Variants in CFAP54 observed in about 807,000 individuals in gnomAD.
CFAP54 encodes the protein cilia- and flagella-associated protein 54.
In CFAP54, 290 loss-of-function variants were observed where a neutral mutation model predicts 370.4. That is an observed-to-expected ratio of 0.78 (90% CI 0.71 to 0.86). CFAP54 has a LOEUF of 0.86. Among genes scored for constraint, CFAP54 ranks in the 40% least tolerant of loss-of-function variants. The probability of loss-of-function intolerance (pLI) is 0.00; values close to 1 mark genes in which losing one functional copy is unlikely to be tolerated. For synonymous variants in CFAP54, 1,206 were observed against 1,236.5 expected, an observed-to-expected ratio of 0.98 and a Z score of 0.52; for missense variants, 3,399 against 3,528.7, an observed-to-expected ratio of 0.96 and a Z score of 0.93.
chr12:96,542,006 C>T (rs1955579966), intron 14 of CFAP54, among the ~76,000 whole-genome samples: 2 of 151,920 alleles, frequency 1.3e-5, no homozygotes, highest in South Asian at 2.1e-4. Context: ...GTTCTTTGTT[C>T]TGCCTCTGGT....
At chr12:96,814,435 A>G (rs542048938) in intron 64 of CFAP54, among the ~76,000 whole-genome samples, 3 of 152,230 alleles carry the variant, frequency 2.0e-5, no homozygotes, top group Non-Finnish European at 4.4e-5. Flanking sequence ...TTTCATGGCT[A>G]GAGTTTGAAG....
In CFAP54 at chr12:96,718,906, C is replaced by T. The variant is rs143441339; in HGVS notation, c.6804+384C>T. 2.2e-4 allele frequency among the ~76,000 whole-genome samples: 33 copies of T among 152,116 alleles called. No homozygotes were observed. In the East Asian group the frequency reaches 3.9e-3, roughly 18 times the overall value. ...ATACAAAATTAGCTGGGTGTGATGG[C>T]GCATGCCTGTAATTCTAGCTACTCA... On this transcript the variant is annotated intron_variant, in intron 49 of 67. Transcript: ENST00000524981.
At chr12:96,607,253 C>T (rs1321259101) in intron 26 of CFAP54, among the ~76,000 whole-genome samples, 1 of 151,710 alleles carries the variant, frequency 6.6e-6, no homozygotes, top group African/African-American at 2.4e-5. Flanking sequence ...CTCCATACTC[C>T]AAGGGAAGAA....
intron 20 of CFAP54, among the ~76,000 whole-genome samples, chr12:96,580,332 A>G (rs1480272774): frequency 2.0e-5 from 3 of 152,092 alleles, no homozygotes; most frequent in Non-Finnish European, 4.4e-5. Context: ...ATATCTGTAA[A>G]TTTCCTAACA....
chr12:96,544,410 ATCTCTCTCTC>A (rs71068815), intron 14 of CFAP54, among the ~76,000 whole-genome samples: 33 of 148,116 alleles, frequency 2.2e-4, no homozygotes, highest in African/African-American at 5.0e-4. Context: ...AAAACAGAAT[ATCTCTCTCTC>A]TCTCTCTCTC....
chr12:96,855,939 A>G (rs755422389), intron 66 of CFAP54, among the ~76,000 whole-genome samples: 22 of 152,166 alleles, frequency 1.4e-4, no homozygotes, highest in Non-Finnish European at 2.1e-4. Context: ...TGTCTGCAAC[A>G]TACTTCTGCC....
chr12:96,829,372 C>T (rs1023619427), intron 66 of CFAP54, among the ~76,000 whole-genome samples: 1 of 152,026 alleles, frequency 6.6e-6, no homozygotes, highest in Non-Finnish European at 1.5e-5. Flanking sequence ...TAGAGTATAT[C>T]TAGAATTTTC....
intron 67 of CFAP54, among the ~76,000 whole-genome samples, chr12:96,874,647 T>TTTTTTTTTTG (rs71078432): frequency 9.5e-6 from 1 of 105,054 alleles, no homozygotes; most frequent in African/African-American, 3.7e-5. Flanking sequence ...TTTTTTTTTT[T>TTTTTTTTTTG]GAGACGGAGT....
rs944563693 is a variant in CFAP54 at position 96,727,785 on chromosome 12, A to G, written c.6965+7220A>G. On this transcript the variant is annotated intron_variant, in intron 50 of 67. Coordinates refer to ENST00000524981, the MANE Select transcript of CFAP54 (RefSeq NM_001306084.2). Reference sequence around the variant, plus strand: ...TCTTCCTAGTCTCGATGGTCTTTACATTTTGGCATTATTTTGCAGCGGCTG... The same window carrying G: ...TCTTCCTAGTCTCGATGGTCTTTACGTTTTGGCATTATTTTGCAGCGGCTG... Among the ~76,000 whole-genome samples the G allele has an allele frequency of 4.6e-5, 7 of 151,116 alleles. 1 individual carries two copies. The East Asian group carries it at 9.8e-4, about 21-fold the overall frequency.
At chr12:96,700,140 T>G (rs1957476678) in intron 46 of CFAP54, 47 bp downstream of exon 46, 1 of 1,545,024 alleles carries the variant, frequency 6.5e-7, no homozygotes. Flanking sequence ...CTATGAGGGA[T>G]ACATTCCTAA....
chr12:96,792,578 G>C, intron 63 of CFAP54, 79 bp downstream of exon 63: 4 of 1,100,266 alleles, frequency 3.6e-6, no homozygotes, highest in Non-Finnish European at 5.0e-6. Flanking sequence ...GGAGAGTAGA[G>C]GACATTCTCT....
intron 22 of CFAP54, among the ~76,000 whole-genome samples, chr12:96,588,815 GT>G (rs1027005919): frequency 2.0e-5 from 3 of 149,356 alleles, no homozygotes; most frequent in Non-Finnish European, 4.5e-5. Flanking sequence ...AGGTAAGTCA[GT>G]TTTTTTCTTT....
At chr12:96,667,107 T>G (rs1957089265) in intron 39 of CFAP54, among the ~76,000 whole-genome samples, 1 of 152,236 alleles carries the variant, frequency 6.6e-6, no homozygotes, top group Non-Finnish European at 1.5e-5. Context: ...GCCATGCTGA[T>G]GCAAGAGGTG....
intron 66 of CFAP54, among the ~76,000 whole-genome samples, chr12:96,854,404 A>C (rs976439332): frequency 2.7e-5 from 4 of 150,732 alleles, no homozygotes; most frequent in African/African-American, 9.8e-5. Context: ...GGAAACCCTC[A>C]TATATTGCTG....
At chr12:96,773,951 G>A (rs951175516) in intron 60 of CFAP54, among the ~76,000 whole-genome samples, 1 of 152,088 alleles carries the variant, frequency 6.6e-6, no homozygotes, top group African/African-American at 2.4e-5. Flanking sequence ...AAAAGGTTAT[G>A]CCACTTTGTA....
Position 96,535,579 on chromosome 12 carries a change from C to G in CFAP54, c.1770C>G (p.Val590=). ...DIFHLAATLY[V]CVCTAPQDVQ... ...TCCATTTGGCAGCAACCTTGTATGT[C>G]TGTGTCTGCACTGCTCCCCAGGTGA... The change falls in exon 12 of 68, where the codon GTC becomes GTG. Residue 590 remains valine, a synonymous_variant. Coordinates refer to ENST00000524981, the MANE Select transcript of CFAP54 (RefSeq NM_001306084.2). The G allele has an allele frequency of 1.3e-6, 2 of 1,535,484 alleles. No individual in the cohort carries two copies. Among genetic ancestry groups the G allele is most frequent in the Non-Finnish European group, 1.7e-6 (2 of 1,146,038 alleles).
intron 8 of CFAP54, among the ~76,000 whole-genome samples, chr12:96,524,477 C>G (rs1285183068): frequency 1.3e-5 from 2 of 151,354 alleles, no homozygotes; most frequent in Non-Finnish European, 3.0e-5. Context: ...ATTCAACAAC[C>G]ATATATTGAG....
chr12:96,525,062 C>A (rs1478957761), intron 8 of CFAP54, among the ~76,000 whole-genome samples: 1 of 152,060 alleles, frequency 6.6e-6, no homozygotes, highest in East Asian at 1.9e-4. Flanking sequence ...ATGTTGCCAA[C>A]TTGACTTCCA....
intron 66 of CFAP54, among the ~76,000 whole-genome samples, chr12:96,855,260 G>A (rs1374536917): frequency 1.3e-5 from 2 of 151,962 alleles, no homozygotes; most frequent in Non-Finnish European, 2.9e-5. Flanking sequence ...ATTTGGGTGG[G>A]GACACAGCCA....
Sources: gnomAD v4.1 joint callset for allele counts (sites outside exome capture counted in the v4.1 genomes callset) on GRCh38, gnomAD v4.1.1 for gene constraint, MANE v1.5 for transcripts, NCBI Gene and HGNC (gene_info 2026-07-23, HGNC 2026-07-21) for gene names.